Variants in GRID2 observed in about 807,000 individuals in gnomAD.
GRID2 encodes the protein glutamate receptor ionotropic, delta-2.
In GRID2, 33 loss-of-function variants were observed where a neutral mutation model predicts 114.8. That is an observed-to-expected ratio of 0.29 (90% CI 0.22 to 0.38). GRID2 has a LOEUF of 0.38. GRID2 is among the 10% of genes least tolerant of loss of function. GRID2 has a pLI of 1.00. For synonymous variants in GRID2, 505 were observed against 449.9 expected (o/e 1.12, Z -1.55); for missense variants, 1,184 against 1,257.7 (o/e 0.94, Z 0.89).
chr4:92,882,325 G>T (rs1340604076), intron 2 of GRID2, among the ~76,000 whole-genome samples: 1 of 152,062 alleles, frequency 6.6e-6, no homozygotes, highest in Non-Finnish European at 1.5e-5. Flanking sequence ...ACACATATTT[G>T]AATAAAAAAT....
intron 2 of GRID2, among the ~76,000 whole-genome samples, chr4:92,696,264 A>G (rs939711132): frequency 4.0e-5 from 6 of 151,848 alleles, no homozygotes; most frequent in Non-Finnish European, 8.8e-5. Flanking sequence ...GAATAATAAG[A>G]CACAGAGCAT....
chr4:93,722,761 A>G (rs1046242451), intron 14 of GRID2, among the ~76,000 whole-genome samples: 2 of 152,080 alleles, frequency 1.3e-5, no homozygotes, highest in African/African-American at 4.8e-5. Context: ...TCTGCCTCAT[A>G]TTTTATCATA....
intron 3 of GRID2, among the ~76,000 whole-genome samples, chr4:93,106,449 C>A (rs1397516109): frequency 6.6e-6 from 1 of 152,082 alleles, no homozygotes; most frequent in Non-Finnish European, 1.5e-5. Context: ...TGGGTTCAAG[C>A]GATTCTCCTG....
chr4:93,038,297 C>G (rs558988314), intron 2 of GRID2, among the ~76,000 whole-genome samples: 1 of 152,080 alleles, frequency 6.6e-6, no homozygotes, highest in East Asian at 1.9e-4. Flanking sequence ...GTGATTTTTG[C>G]ACATTGATTT....
At chr4:92,964,316 C>T (rs555753682) in intron 2 of GRID2, among the ~76,000 whole-genome samples, 5 of 151,862 alleles carry the variant, frequency 3.3e-5, no homozygotes, top group Non-Finnish European at 7.4e-5. Context: ...GCTGCTTTAT[C>T]TTCACTAAAA....
chr4:93,531,897 C>T (rs1453129418), intron 13 of GRID2, among the ~76,000 whole-genome samples: 1 of 151,890 alleles, frequency 6.6e-6, no homozygotes, highest in African/African-American at 2.4e-5. Context: ...TACAATTTTA[C>T]CACATTTTAG....
chr4:93,311,992 G>A (rs1341094724), intron 8 of GRID2, among the ~76,000 whole-genome samples: 1 of 152,124 alleles, frequency 6.6e-6, no homozygotes, highest in East Asian at 1.9e-4. Flanking sequence ...GTAGAAATGT[G>A]AGAAGTAAAA....
At chr4:92,954,619 T>A (rs932953673) in intron 2 of GRID2, among the ~76,000 whole-genome samples, 2 of 151,290 alleles carry the variant, frequency 1.3e-5, no homozygotes, top group South Asian at 2.1e-4. Flanking sequence ...TTCTTTTTTT[T>A]TTATTATTAT....
rs148893378 is a variant in GRID2 at position 93,483,359 on chromosome 4, A to T, written c.1859-7280A>T. On this transcript the variant is annotated intron_variant, in intron 11 of 15. Transcript: ENST00000282020. ...TGAAAAAGGAATGTTTATTTTTTTA[A>T]AAAAGGTATTAGTTTTCTCCCATTT... is the stretch of plus-strand genomic sequence containing the variant. 4.3e-3 allele frequency among the ~76,000 whole-genome samples: 661 copies of T among 152,046 alleles called. 6 individuals carry two copies. The highest frequency in any genetic ancestry group is 0.015 in the African/African-American group (618 of 41,540).
chr4:92,573,648 C>T (rs1727736062), intron 1 of GRID2, among the ~76,000 whole-genome samples: 1 of 152,126 alleles, frequency 6.6e-6, no homozygotes, highest in Non-Finnish European at 1.5e-5. Context: ...ATCTTGAGTT[C>T]TAATTTTATT....
chr4:92,912,852 A>G (rs1381219381), intron 2 of GRID2, among the ~76,000 whole-genome samples: 2 of 151,990 alleles, frequency 1.3e-5, no homozygotes, highest in East Asian at 3.9e-4. Context: ...GTATGTTTAC[A>G]CATAACTTGG....
At chr4:92,382,210 TG>T (rs376088935) in intron 1 of GRID2, among the ~76,000 whole-genome samples, 45 of 151,554 alleles carry the variant, frequency 3.0e-4, no homozygotes, top group African/African-American at 9.9e-4. Flanking sequence ...TCTCTTAAGG[TG>T]GTAGAAAATA....
rs565578641 is a variant in GRID2, at chr4:92,961,290, G to A, written c.245-123705G>A. 5.3e-5 allele frequency among the ~76,000 whole-genome samples: 8 copies of A among 150,812 alleles called. No homozygotes were observed. The East Asian group carries it at 1.6e-3, about 29-fold the overall frequency. On this transcript the variant is annotated intron_variant, in intron 2 of 15. Coordinates refer to ENST00000282020, the MANE Select transcript of GRID2 (RefSeq NM_001510.4). ...ATGCTCTTTCTTTATGTTGATACAA[G>A]TTTCTGATCTATTTCAGTTTTCTTT...
At chr4:92,878,041 T>A (rs1377758159) in intron 2 of GRID2, among the ~76,000 whole-genome samples, 1 of 152,116 alleles carries the variant, frequency 6.6e-6, no homozygotes, top group East Asian at 1.9e-4. Context: ...GGACATAAAT[T>A]CAGAAATCGG....
intron 14 of GRID2, among the ~76,000 whole-genome samples, chr4:93,751,903 C>T (rs1457653995): frequency 1.3e-5 from 2 of 152,112 alleles, no homozygotes; most frequent in Admixed American, 1.3e-4. Flanking sequence ...GCTTTCTTAC[C>T]CATACTCCCA....
At chr4:93,574,935 T>C (rs1299252494) in intron 13 of GRID2, among the ~76,000 whole-genome samples, 2 of 152,188 alleles carry the variant, frequency 1.3e-5, no homozygotes, top group African/African-American at 4.8e-5. Flanking sequence ...TGTCCAAGGA[T>C]GGCTTCTTCA....
At chr4:93,089,463 C>T (rs1730593301) in intron 3 of GRID2, among the ~76,000 whole-genome samples, 1 of 152,108 alleles carries the variant, frequency 6.6e-6, no homozygotes, top group African/African-American at 2.4e-5. Flanking sequence ...ATTGCAACCT[C>T]AAATAAATCA....
At chr4:93,661,754 T>G (rs1723513697) in intron 14 of GRID2, among the ~76,000 whole-genome samples, 1 of 152,196 alleles carries the variant, frequency 6.6e-6, no homozygotes, top group Non-Finnish European at 1.5e-5. Flanking sequence ...TGAATAATGA[T>G]AATCAGCTGT....
intron 11 of GRID2, among the ~76,000 whole-genome samples, chr4:93,486,133 T>C (rs910037472): frequency 6.6e-6 from 1 of 151,782 alleles, no homozygotes; most frequent in Non-Finnish European, 1.5e-5. Context: ...GCAAATGATA[T>C]GTTTTTTAAT....
Sources: allele counts gnomAD v4.1 joint callset (sites outside exome capture counted in the v4.1 genomes callset), GRCh38; gene constraint gnomAD v4.1.1; transcripts MANE v1.5; gene names NCBI Gene and HGNC (gene_info 2026-07-23, HGNC 2026-07-21).